Variants in MYO16 observed in about 807,000 individuals in gnomAD.
MYO16 encodes myosin XVI.
Under a neutral mutation model 205.3 loss-of-function variants are expected in MYO16, and 94 were observed. The observed-to-expected ratio is 0.46, with a 90% CI of 0.39 to 0.54. MYO16 has a LOEUF of 0.54. MYO16 is among the 20% of genes least tolerant of loss of function. The pLI is 0.00. For missense variants in MYO16, 2,315 were observed against 2,387.5 expected, an observed-to-expected ratio of 0.97 and a Z score of 0.63; for synonymous variants, 988 against 954.0, an observed-to-expected ratio of 1.04 and a Z score of -0.66.
At chr13:108,992,502 G>T in intron 21 of MYO16, 54 bp downstream of exon 21, 1 of 1,155,658 alleles carries the variant, frequency 8.7e-7, no homozygotes, top group Non-Finnish European at 1.3e-6. Context: ...TTGAAACTAA[G>T]TTCTTTTTTT....
At chr13:108,819,317 G>A (rs1247336134) in intron 7 of MYO16, among the ~76,000 whole-genome samples, 2 of 152,266 alleles carry the variant, frequency 1.3e-5, no homozygotes, top group East Asian at 3.9e-4. Flanking sequence ...CAAGTCTGAT[G>A]ACTCAAAAAT....
intron 34 of MYO16, among the ~76,000 whole-genome samples, chr13:109,190,976 T>G (rs1396871980): frequency 6.6e-6 from 1 of 152,124 alleles, no homozygotes; most frequent in Non-Finnish European, 1.5e-5. Context: ...CCCAGCACTT[T>G]GGGAGGCTGA....
At chr13:108,598,244 G>A (rs962109125) in intron 1 of MYO16, among the ~76,000 whole-genome samples, 1 of 152,158 alleles carries the variant, frequency 6.6e-6, no homozygotes, top group African/African-American at 2.4e-5. Flanking sequence ...CGGCCTTCAA[G>A]TCGCTGACAC....
intron 1 of MYO16, among the ~76,000 whole-genome samples, chr13:108,616,407 G>A (rs117660351): frequency 5.8e-4 from 89 of 152,218 alleles, no homozygotes; most frequent in Middle Eastern, 3.4e-3. Context: ...CACCATCGTA[G>A]TCTATGCTTG....
At chr13:108,565,145 A>G in the MYO16 span, among the ~76,000 whole-genome samples, 1 of 151,780 alleles carries the variant, frequency 6.6e-6, no homozygotes, top group Non-Finnish European at 1.5e-5. Context: ...ATATTTTGTA[A>G]CTCCATATAA....
At chr13:109,157,404 G>A (rs1021558135) in intron 32 of MYO16, among the ~76,000 whole-genome samples, 3 of 151,970 alleles carry the variant, frequency 2.0e-5, no homozygotes, top group Admixed American at 6.6e-5. Context: ...CCTCCCTCAC[G>A]AGTGCAGTCA....
At chr13:108,722,183 G>A (rs887948440) in intron 3 of MYO16, among the ~76,000 whole-genome samples, 7 of 152,182 alleles carry the variant, frequency 4.6e-5, no homozygotes, top group Non-Finnish European at 2.9e-5. Flanking sequence ...GCAGGTGGAG[G>A]ACCTGGTGGT....
chr13:108,954,453 A>G (rs557648249), intron 16 of MYO16, among the ~76,000 whole-genome samples: 1 of 152,286 alleles, frequency 6.6e-6, no homozygotes, highest in Non-Finnish European at 1.5e-5. Context: ...AAGGTTTATC[A>G]CTAGGGCCAG....
chr13:108,575,938 C>T, the MYO16 span, among the ~76,000 whole-genome samples: 5 of 152,098 alleles, frequency 3.3e-5, no homozygotes, highest in South Asian at 4.2e-4. Flanking sequence ...TTTCAAGTCT[C>T]GGCAACTGAG....
the MYO16 span, among the ~76,000 whole-genome samples, chr13:108,540,348 G>T: frequency 6.6e-6 from 1 of 152,064 alleles, no homozygotes; most frequent in Non-Finnish European, 1.5e-5. Context: ...AACTGTAAAA[G>T]AACAGTGGCT....
intron 1 of MYO16, among the ~76,000 whole-genome samples, chr13:108,653,598 A>G (rs1370289745): frequency 2.0e-5 from 3 of 151,716 alleles, no homozygotes; most frequent in African/African-American, 7.3e-5. Context: ...TTTTGCATGT[A>G]TGTTATTTTT....
chr13:108,861,232 C>T (rs1878435691), intron 11 of MYO16, among the ~76,000 whole-genome samples: 1 of 152,140 alleles, frequency 6.6e-6, no homozygotes. Context: ...AATATTCTGA[C>T]ATTTACAGCT....
chr13:109,139,858 G>A (rs988087341), intron 31 of MYO16, among the ~76,000 whole-genome samples: 2 of 151,982 alleles, frequency 1.3e-5, no homozygotes, highest in African/African-American at 4.8e-5. Context: ...ACCAGAGCCG[G>A]GTGGTGGCAC....
At chr13:109,019,512 T>A (rs1430008796) in intron 22 of MYO16, among the ~76,000 whole-genome samples, 199 bp from the exon 23 acceptor site, 1 of 152,188 alleles carries the variant, frequency 6.6e-6, no homozygotes, top group African/African-American at 2.4e-5. Flanking sequence ...ATTTGATAAA[T>A]ATTATTGGGG....
the MYO16 span, among the ~76,000 whole-genome samples, chr13:108,523,725 C>A: frequency 6.6e-6 from 1 of 152,206 alleles, no homozygotes; most frequent in Non-Finnish European, 1.5e-5. Flanking sequence ...CCTACAACAT[C>A]CCAGCCAAGT....
chr13:108,676,915 C>T (rs146274124), intron 2 of MYO16, among the ~76,000 whole-genome samples: 5 of 152,150 alleles, frequency 3.3e-5, no homozygotes, highest in Non-Finnish European at 5.9e-5. Flanking sequence ...GAGCCCTCCC[C>T]GACATCCTCA....
At chr13:109,206,519 C>A in intron 34 of MYO16, 90 bp from the exon 35 acceptor site, 1 of 966,288 alleles carries the variant, frequency 1.0e-6, no homozygotes, top group Non-Finnish European at 1.6e-6. Flanking sequence ...ACCAGTCCTG[C>A]CCCTTTGTAT....
At chr13:108,967,155 ATG>A (rs71204890) in intron 20 of MYO16, among the ~76,000 whole-genome samples, 191 of 124,402 alleles carry the variant, frequency 1.5e-3, no homozygotes, top group South Asian at 4.7e-3. Flanking sequence ...GACTATATAT[ATG>A]TGTGTGTGTG....
intron 14 of MYO16, among the ~76,000 whole-genome samples, chr13:108,891,856 G>A (rs1880190447): frequency 6.6e-6 from 1 of 152,136 alleles, no homozygotes; most frequent in Non-Finnish European, 1.5e-5. Flanking sequence ...TGAATATTGT[G>A]CTATTTGTGT....
Sources: gnomAD v4.1 joint callset for allele counts (sites outside exome capture counted in the v4.1 genomes callset) on GRCh38, gnomAD v4.1.1 for gene constraint, MANE v1.5 for transcripts, NCBI Gene and HGNC (gene_info 2026-07-23, HGNC 2026-07-21) for gene names.